The following C12orf54 variants were observed in gnomAD, a reference collection of about 807,000 sequenced individuals.
The protein encoded by C12orf54 is chromosome 12 open reading frame 54, also known as uncharacterized protein C12orf54.
A neutral mutation model predicts 26.4 loss-of-function variants in C12orf54; 24 were observed. The ratio of observed to expected loss-of-function variants is 0.91; its 90% CI spans 0.66 to 1.28. C12orf54 has a LOEUF of 1.28. Ranked by LOEUF, C12orf54 falls within the 50% of genes most tolerant of loss-of-function variation. C12orf54 has a pLI of 0.00. For synonymous variants in C12orf54, 54 were observed against 47.0 expected, an observed-to-expected ratio of 1.15 and a Z score of -0.61; for missense variants, 154 against 150.9, an observed-to-expected ratio of 1.02 and a Z score of -0.11.
At chr12:48,417,428 C>A in the C12orf54 span, 1 of 152,202 alleles carries the variant, frequency 6.6e-6, no homozygotes, top group Non-Finnish European at 1.5e-5. Context: ...AATCTTTCTG[C>A]ACAGTATTTC....
chr12:48,445,914 G>A, the C12orf54 span, among the ~76,000 whole-genome samples: 1 of 152,158 alleles, frequency 6.6e-6, no homozygotes, highest in Non-Finnish European at 1.5e-5. Context: ...TGAGAGAGTG[G>A]GGAGGGTACC....
chr12:48,452,626 G>A, the C12orf54 span, among the ~76,000 whole-genome samples: 1 of 151,978 alleles, frequency 6.6e-6, no homozygotes, highest in South Asian at 2.1e-4. Flanking sequence ...CTAGTATCCA[G>A]CATTTATAAG....
At chr12:48,469,384 T>C in the C12orf54 span, among the ~76,000 whole-genome samples, 43 of 152,222 alleles carry the variant, frequency 2.8e-4, no homozygotes, top group African/African-American at 9.9e-4. Context: ...TCCTATTCAC[T>C]TTCTGAAAGA....
chr12:48,423,781 A>T, the C12orf54 span, among the ~76,000 whole-genome samples: 2 of 152,100 alleles, frequency 1.3e-5, no homozygotes, highest in South Asian at 4.1e-4. Flanking sequence ...TTCTCCATTA[A>T]TCTATTAATA....
the C12orf54 span, among the ~76,000 whole-genome samples, chr12:48,458,016 A>G: frequency 6.6e-6 from 1 of 152,238 alleles, no homozygotes; most frequent in Non-Finnish European, 1.5e-5. Context: ...GTCTGAGCCC[A>G]GGAACAATTG....
chr12:48,461,799 C>G, the C12orf54 span, among the ~76,000 whole-genome samples: 6 of 151,802 alleles, frequency 4.0e-5, no homozygotes, highest in Non-Finnish European at 7.4e-5. Flanking sequence ...AATTAAAGGT[C>G]TAAAGTCAGT....
the C12orf54 span, chr12:48,417,055 T>C: frequency 6.6e-6 from 1 of 152,264 alleles, no homozygotes; most frequent in Non-Finnish European, 1.5e-5. Flanking sequence ...CAATCTTGGA[T>C]TCCCAGCCTC....
At chr12:48,420,762 T>G in the C12orf54 span, among the ~76,000 whole-genome samples, 1 of 152,226 alleles carries the variant, frequency 6.6e-6, no homozygotes, top group Non-Finnish European at 1.5e-5. Context: ...TACCCTGTGT[T>G]GAAAAACTCC....
chr12:48,485,687 A>T (rs542925725), intron 2 of C12orf54, among the ~76,000 whole-genome samples: 2 of 152,338 alleles, frequency 1.3e-5, no homozygotes, highest in East Asian at 3.9e-4. Flanking sequence ...TGTGCTGCCA[A>T]GAATAAGCAA....
the C12orf54 span, among the ~76,000 whole-genome samples, chr12:48,415,070 GTCA>G: frequency 4.8e-4 from 73 of 152,318 alleles, no homozygotes; most frequent in African/African-American, 1.7e-3. Context: ...CCGTTTGAAT[GTCA>G]TCAAGAACTC....
chr12:48,417,583 A>T, the C12orf54 span, among the ~76,000 whole-genome samples: 25 of 152,064 alleles, frequency 1.6e-4, 1 homozygote, highest in African/African-American at 6.0e-4. Flanking sequence ...TTTTTTTATA[A>T]TTTCAGCTTT....
the C12orf54 span, among the ~76,000 whole-genome samples, chr12:48,453,808 CATCT>C: frequency 4.0e-5 from 6 of 151,558 alleles, no homozygotes; most frequent in Admixed American, 1.3e-4. Context: ...TATCTATATT[CATCT>C]ATCTACCTAC....
rs111417930 is a variant in C12orf54 at position 48,485,281 on chromosome 12, G to GGTTTTGTTTT, written c.66-877_66-868dup. Among the ~76,000 whole-genome samples the GGTTTTGTTTT allele has an allele frequency of 1.7e-3, 250 of 151,140 alleles. 1 individual carries two copies. The highest frequency in any genetic ancestry group is 5.9e-3 in the African/African-American group (243 of 40,940). On this transcript the variant is annotated intron_variant, in intron 2 of 8. Coordinates refer to ENST00000548364, the MANE Select transcript of C12orf54 (RefSeq NM_152319.4). ...TGTTTCTGCTGTTTTGTTTGTTGTTGGTTTTGTTTTGTTTTGTTTTGTTTT... is the reference window on the plus strand; with the variant it reads ...TGTTTCTGCTGTTTTGTTTGTTGTTGGTTTTGTTTTGTTTTGTTTTGTTTTGTTTTGTTTT...
chr12:48,476,220 T>G, the C12orf54 span, among the ~76,000 whole-genome samples: 3 of 152,174 alleles, frequency 2.0e-5, no homozygotes, highest in African/African-American at 7.2e-5. Flanking sequence ...CCACCAGGCC[T>G]GCCCTAAAAG....
the C12orf54 span, among the ~76,000 whole-genome samples, chr12:48,440,337 C>A: frequency 2.0e-3 from 297 of 152,192 alleles, 3 homozygotes; most frequent in African/African-American, 6.8e-3. Context: ...ATGACACTTG[C>A]CAGCTTGTAA....
chr12:48,491,772 CT>C (rs1170598143), intron 6 of C12orf54, among the ~76,000 whole-genome samples: 1 of 152,120 alleles, frequency 6.6e-6, no homozygotes, highest in Non-Finnish European at 1.5e-5. Flanking sequence ...ATATCTGGAA[CT>C]TTTTTCTTCA....
the C12orf54 span, among the ~76,000 whole-genome samples, chr12:48,461,496 T>A: frequency 6.6e-6 from 1 of 151,894 alleles, no homozygotes; most frequent in Admixed American, 6.6e-5. Flanking sequence ...CTATAAACCA[T>A]GTCTCAATAA....
Position 48,483,267 on chromosome 12 carries a change from CCA to C in C12orf54, c.-29_-28del. 6.2e-7 allele frequency: 1 copy of C among 1,607,894 alleles called. No individual in the cohort carries two copies. Among genetic ancestry groups the C allele is most frequent in the Non-Finnish European group, 8.5e-7 (1 of 1,174,538 alleles). On this transcript the variant is annotated 5_prime_UTR_variant, in exon 2 of 9. Coordinates refer to ENST00000548364, the MANE Select transcript of C12orf54 (RefSeq NM_152319.4). ...CCTGGAGCTATCTCCATCTTCAGCT[CCA>C]GAGTCCTTGGTTTCTGTCTGAGAAC...
the C12orf54 span, among the ~76,000 whole-genome samples, chr12:48,413,282 GA>G: frequency 6.6e-6 from 1 of 152,286 alleles, no homozygotes; most frequent in South Asian, 2.1e-4. Flanking sequence ...ATTTGGCTGA[GA>G]AGCCATTTCT....
Sources: gnomAD v4.1 joint callset for allele counts (sites outside exome capture counted in the v4.1 genomes callset) on GRCh38, gnomAD v4.1.1 for gene constraint, MANE v1.5 for transcripts, NCBI Gene and HGNC (gene_info 2026-07-23, HGNC 2026-07-21) for gene names.